The following TRIM32 variants were observed in gnomAD, a reference collection of about 807,000 sequenced individuals.
The protein encoded by TRIM32 is tripartite motif containing 32.
In TRIM32, 19 loss-of-function variants were observed where a neutral mutation model predicts 36.0. The observed-to-expected ratio is 0.53, with a 90% CI of 0.37 to 0.77. The LOEUF (loss-of-function observed/expected upper bound fraction) is 0.77, where lower values mean the gene tolerates loss of function less well. Ranked by LOEUF, TRIM32 falls within the 30% of genes least tolerant of loss-of-function variation. TRIM32 has a pLI of 0.00. For synonymous variants in TRIM32, 309 were observed against 318.5 expected (o/e 0.97, Z 0.32); for missense variants, 747 against 845.2 (o/e 0.88, Z 1.44).
At position 116,687,380 on chromosome 9, in the gene TRIM32, A is replaced by T; in HGVS notation, c.-83A>T. 3.3e-4 allele frequency: 58 copies of T among 174,602 alleles called. No individual in the cohort carries two copies. The highest frequency in any genetic ancestry group is 5.4e-4 in the Non-Finnish European group (56 of 102,946). The allele number at this position is 174,602 out of a possible 1,614,324, so 10.8% of individuals were successfully genotyped here. Reference sequence around the variant, plus strand: ...GGACTCGTCGGAGCCGCGGGCGGTCAGGTAGGGGGCGGGAAGGAGGGTTGG... The same window carrying T: ...GGACTCGTCGGAGCCGCGGGCGGTCTGGTAGGGGGCGGGAAGGAGGGTTGG... On this transcript the variant is annotated splice_region_variant and 5_prime_UTR_variant, in exon 1 of 2. Coordinates refer to ENST00000450136, the MANE Select transcript of TRIM32 (RefSeq NM_012210.4).
chr9:116,689,462 T>C (rs1445968203), intron 1 of TRIM32, among the ~76,000 whole-genome samples: 2 of 152,222 alleles, frequency 1.3e-5, no homozygotes, highest in East Asian at 3.8e-4. Flanking sequence ...ATGACAGTCC[T>C]TCTAAGTAGG....
chr9:116,690,400 A>G (rs1333978007), intron 1 of TRIM32, among the ~76,000 whole-genome samples: 1 of 152,196 alleles, frequency 6.6e-6, no homozygotes, highest in East Asian at 1.9e-4. Flanking sequence ...CACCTATGTT[A>G]CATTATAGTA....
At chr9:116,694,678 A>G (rs2132060882) in intron 1 of TRIM32, among the ~76,000 whole-genome samples, 1 of 141,944 alleles carries the variant, frequency 7.0e-6, no homozygotes, top group South Asian at 2.3e-4. Context: ...TCACCGTCTT[A>G]GCCAGGATGG....
Position 116,699,530 on chromosome 9 carries a change from C to A in TRIM32, c.1788C>A (p.Arg596=), listed in dbSNP as rs758118499. 6.2e-6 allele frequency: 10 copies of A among 1,614,130 alleles called. No individual in the cohort carries two copies. Among genetic ancestry groups the A allele is most frequent in the Non-Finnish European group, 8.5e-6 (10 of 1,180,034 alleles). ...ATCTCATCGTGGCTGACAGTAGTCG[C>A]AAGGAAATTCTCCATTTTCCTAAGG... The part of the protein sequence containing the change: ...RGDLIVADSS[R]KEILHFPKGG... Residue 596 remains arginine (R), a synonymous_variant, in exon 2 of 2, where the codon CGC becomes CGA. Transcript: ENST00000450136. This position sits in a 1 kb window ranked among gnomAD's most constrained non-coding sequence, Gnocchi z 4.2.
rs753733923 is a variant in TRIM32 at position 116,698,742 on chromosome 9, G to A, written c.1000G>A (p.Ala334Thr). 6.2e-7 allele frequency: 1 copy of A among 1,614,160 alleles called. No individual in the cohort carries two copies. Among genetic ancestry groups the A allele is most frequent in the South Asian group, 1.1e-5 (1 of 91,086 alleles). Reference protein sequence around the residue: ...EMDMSPEEVVASPRASPAKQR... With the variant: ...EMDMSPEEVVTSPRASPAKQR... ...GGACATGAGCCCGGAGGAAGTGGTT[G>A]CCAGCCCTAGGGCCTCACCTGCTAA... Residue 334 changes from alanine to threonine, a missense_variant, in exon 2 of 2, where the codon GCC becomes ACC. Ala to Thr is a moderately conservative substitution (Grantham distance 58). Coordinates refer to ENST00000450136, the MANE Select transcript of TRIM32 (RefSeq NM_012210.4). This position sits in a 1 kb window ranked among gnomAD's most constrained non-coding sequence, Gnocchi z 4.4.
Position 116,698,728 on chromosome 9 carries a change from C to T in TRIM32, c.986C>T (p.Pro329Leu), listed in dbSNP as rs377510422. ...ACTTTTAGAGAGATGGACATGAGCC[C>T]GGAGGAAGTGGTTGCCAGCCCTAGG... ...SVTFREMDMS[P>L]EEVVASPRAS... is the part of the protein sequence containing the mutation. Residue 329 changes from proline to leucine, a missense_variant, in exon 2 of 2, where the codon CCG (proline) becomes CTG (leucine). Physicochemically the swap from Pro to Leu is moderately conservative, Grantham distance 98 (BLOSUM62 -3). Coordinates refer to ENST00000450136, the MANE Select transcript of TRIM32 (RefSeq NM_012210.4). This position sits in a 1 kb window ranked among gnomAD's most constrained non-coding sequence, Gnocchi z 4.4. 49 of 1,613,994 alleles carry T rather than the reference C, an allele frequency of 3.0e-5. No individual in the cohort carries two copies. Among genetic ancestry groups the T allele is most frequent in the Admixed American group, 1.2e-4 (7 of 60,002 alleles).
intron 1 of TRIM32, 139 bp from the exon 2 acceptor site, chr9:116,697,523 A>G (rs1860923748): frequency 1.7e-6 from 1 of 591,062 alleles, no homozygotes; most frequent in Admixed American, 3.0e-5. Context: ...CTCACGTGAC[A>G]TATAATAGAC....
chr9:116,688,966 C>T (rs1860424698), intron 1 of TRIM32, among the ~76,000 whole-genome samples: 1 of 152,052 alleles, frequency 6.6e-6, no homozygotes, highest in African/African-American at 2.4e-5. Flanking sequence ...CTGGCTTTGT[C>T]TCCTAGGAGA....
In TRIM32 at chr9:116,699,599, G is replaced by A. The variant is rs746299779; in HGVS notation, c.1857G>A (p.Pro619=). ...TTATTCGAGAGGGACTTACCTGTCC[G>A]GTGGGCATAGCCCTAACTCCTAAGG... ...SVLIREGLTC[P]VGIALTPKGQ... is the part of the protein sequence containing the mutation. Residue 619 remains proline, a synonymous_variant, in exon 2 of 2, where the codon CCG becomes CCA. Transcript: ENST00000450136. The surrounding 1 kb of genome is among the most constrained non-coding windows in gnomAD (Gnocchi z 4.2). The A allele has an allele frequency of 2.7e-5, 44 of 1,614,058 alleles. No homozygotes were observed. The highest frequency in any genetic ancestry group is 1.5e-4 in the Admixed American group (9 of 60,006).
intron 1 of TRIM32, among the ~76,000 whole-genome samples, chr9:116,688,635 G>A (rs540682122): frequency 4.3e-4 from 63 of 146,650 alleles, no homozygotes; most frequent in African/African-American, 8.3e-4. Context: ...TCTGACCACC[G>A]GTCCCCCGGC....
Position 116,698,782 on chromosome 9 carries a change from A to T in TRIM32, c.1040A>T (p.Glu347Val), listed in dbSNP as rs749760133. ...RASPAKQRGP[E>V]AASNIQQCLF... ...TCACCTGCTAAACAGCGGGGTCCTG[A>T]GGCAGCCTCCAATATCCAGCAGTGC... Residue 347 changes from glutamate (E) to valine (V), a missense_variant, in exon 2 of 2, where the codon GAG becomes GTG. Transcript: ENST00000450136. The surrounding 1 kb of genome is among the most constrained non-coding windows in gnomAD (Gnocchi z 4.4). 2.7e-5 allele frequency: 44 copies of T among 1,614,058 alleles called. 1 individual carries two copies. In the South Asian group the frequency reaches 4.6e-4, roughly 17 times the overall value.
chr9:116,688,001 C>A (rs1860359606), intron 1 of TRIM32, among the ~76,000 whole-genome samples: 1 of 151,882 alleles, frequency 6.6e-6, no homozygotes, highest in Non-Finnish European at 1.5e-5. Context: ...ACATGACATT[C>A]AGTGCATAAG....
In TRIM32 at chr9:116,699,550, C is replaced by A; in HGVS notation, c.1808C>A (p.Pro603His). ...AGTCGCAAGGAAATTCTCCATTTTC[C>A]TAAGGGTGGGGGCTATAGTGTCCTT... ...DSSRKEILHF[P>H]KGGGYSVLIR... The change falls in exon 2 of 2, where the codon CCT (proline) becomes CAT (histidine). Residue 603 changes from proline to histidine, a missense_variant. By Grantham distance (77) the Pro-to-His change is moderately conservative. Coordinates refer to ENST00000450136, the MANE Select transcript of TRIM32 (RefSeq NM_012210.4). This position sits in a 1 kb window ranked among gnomAD's most constrained non-coding sequence, Gnocchi z 4.2. 6.2e-7 allele frequency: 1 copy of A among 1,614,156 alleles called. No homozygotes were observed. The highest frequency in any genetic ancestry group is 8.5e-7 in the Non-Finnish European group (1 of 1,180,034).
rs373853273 is a variant in TRIM32 at position 116,698,320 on chromosome 9, G to T, written c.578G>T (p.Arg193Leu). ...CTCCAGGAGTATGGGCATGAGGAGCGCAGGGTCCAGGATGAGCTGGCTCGC... is the reference window on the plus strand; with the variant it reads ...CTCCAGGAGTATGGGCATGAGGAGCTCAGGGTCCAGGATGAGCTGGCTCGC... ...AVLQEYGHEERRVQDELARSR... is the reference protein window; with the variant it reads ...AVLQEYGHEELRVQDELARSR... The change falls in exon 2 of 2, where the codon CGC becomes CTC. Residue 193 changes from arginine to leucine, a missense_variant. Physicochemically the swap from Arg to Leu is moderately radical, Grantham distance 102 (BLOSUM62 -2). Coordinates refer to ENST00000450136, the MANE Select transcript of TRIM32 (RefSeq NM_012210.4). This position sits in a 1 kb window ranked among gnomAD's most constrained non-coding sequence, Gnocchi z 4.4. The T allele has an allele frequency of 1.2e-6, 2 of 1,614,142 alleles. No homozygotes were observed. The highest frequency in any genetic ancestry group is 1.7e-6 in the Non-Finnish European group (2 of 1,180,036).
At chr9:116,697,352 A>G in intron 1 of TRIM32, 1 of 274,174 alleles carries the variant, frequency 3.6e-6, no homozygotes, top group East Asian at 8.4e-5. Context: ...GGCAGACACC[A>G]TTATTACTTC....
chr9:116,691,166 C>T (rs1860547204), intron 1 of TRIM32, among the ~76,000 whole-genome samples: 1 of 152,198 alleles, frequency 6.6e-6, no homozygotes, highest in Non-Finnish European at 1.5e-5. Flanking sequence ...TAAGTAGTCT[C>T]TGCTAGTCTC....
chr9:116,689,858 G>T (rs1266824486), intron 1 of TRIM32, among the ~76,000 whole-genome samples: 1 of 152,160 alleles, frequency 6.6e-6, no homozygotes. Flanking sequence ...ATAGGGTGAG[G>T]TATGGAGGCC....
chr9:116,694,523 G>A lies in TRIM32; in HGVS notation c.-81-3139G>A, dbSNP rs1311949140. Among the ~76,000 whole-genome samples the A allele has an allele frequency of 5.3e-5, 7 of 132,974 alleles. No homozygotes were observed. In the East Asian group the frequency reaches 1.0e-3, roughly 19 times the overall value. The allele number at this position is 132,974 out of a possible 152,430, so 87.2% of individuals were successfully genotyped here. A position where few individuals can be genotyped will look rare whatever the true frequency, so the allele number is the denominator to read the frequency against. On this transcript the variant is annotated intron_variant, in intron 1 of 1. Transcript: ENST00000450136. ...GTCACCCAGTCTGGAGTGCAGTGGC[G>A]CGTCTCGGCTCACTGCAAGCTCCGC...
rs549857802 is a variant in TRIM32, at chr9:116,700,441, T to G, written c.*737T>G. ...TAAAGAAGCATATATGGGTTGGAAT[T>G]ATGCCAAAGCATAGGAAGCTGGGAA... On this transcript the variant is annotated 3_prime_UTR_variant, in exon 2 of 2. Coordinates refer to ENST00000450136, the MANE Select transcript of TRIM32 (RefSeq NM_012210.4). The G allele has an allele frequency of 6.0e-6, 1 of 167,168 alleles. No homozygotes were observed. Among genetic ancestry groups the G allele is most frequent in the Non-Finnish European group, 1.5e-5 (1 of 68,230 alleles). 10.4% of individuals were successfully genotyped at this position (167,168 alleles called of 1,614,324 possible).
Sources: gnomAD v4.1 joint callset for allele counts (sites outside exome capture counted in the v4.1 genomes callset) on GRCh38, gnomAD v4.1.1 for gene constraint, Gnocchi (gnomAD v3.1) non-coding constraint, MANE v1.5 for transcripts, NCBI Gene and HGNC (gene_info 2026-07-23, HGNC 2026-07-21) for gene names.